Variants in PDZD2 observed in about 807,000 individuals in gnomAD.
PDZD2 encodes PDZ domain containing 2, also known as PDZ domain-containing protein 2.
A neutral mutation model predicts 220.7 loss-of-function variants in PDZD2; 90 were observed. The observed-to-expected ratio is 0.41, with a 90% CI of 0.34 to 0.49. The LOEUF is 0.49. Among genes scored for constraint, PDZD2 ranks in the 20% least tolerant of loss-of-function variants. PDZD2 has a pLI of 0.28. For missense variants in PDZD2, 3,174 were observed against 3,608.5 expected (o/e 0.88, Z 3.08); for synonymous variants, 1,375 against 1,450.5 (o/e 0.95, Z 1.18).
chr5:31,776,731 C>T (rs768017128), intron 1 of PDZD2, among the ~76,000 whole-genome samples: 14 of 151,892 alleles, frequency 9.2e-5, no homozygotes, highest in South Asian at 2.1e-4. Flanking sequence ...TCACTGTAAC[C>T]TCCACCTCCT....
At chr5:31,752,446 G>A (rs143616999) in intron 1 of PDZD2, among the ~76,000 whole-genome samples, 8,296 of 152,158 alleles carry the variant, frequency 0.055, 272 homozygotes, top group Middle Eastern at 0.12. Flanking sequence ...CTACTCGGGA[G>A]GCTGAGGCAG....
chr5:31,680,406 TGGG>T, intron 1 of PDZD2, among the ~76,000 whole-genome samples: 1 of 152,226 alleles, frequency 6.6e-6, no homozygotes, highest in Non-Finnish European at 1.5e-5. Context: ...AGAAGGGTTC[TGGG>T]CTCAAATAAA....
Position 32,066,397 on chromosome 5 carries a change from A to G in PDZD2, c.2452-3172A>G, listed in dbSNP as rs1003777970. On this transcript the variant is annotated intron_variant, in intron 14 of 24. Coordinates refer to ENST00000438447, the MANE Select transcript of PDZD2 (RefSeq NM_178140.4). Reference sequence around the variant, plus strand: ...ATCAAACCAACCAAGTCCTGCTTCCACCTTTTTCTGTTTTTTCCTCCTTGT... The same window carrying G: ...ATCAAACCAACCAAGTCCTGCTTCCGCCTTTTTCTGTTTTTTCCTCCTTGT... Among the ~76,000 whole-genome samples, 7 of 152,210 alleles carry G rather than the reference A, an allele frequency of 4.6e-5. No homozygotes were observed. In the South Asian group the frequency reaches 1.2e-3, roughly 27 times the overall value.
At chr5:32,028,122 G>A (rs1426143067) in intron 6 of PDZD2, among the ~76,000 whole-genome samples, 1 of 151,996 alleles carries the variant, frequency 6.6e-6, no homozygotes, top group East Asian at 1.9e-4. Flanking sequence ...TTTTCTTTGG[G>A]ACTAGGCAAG....
chr5:31,925,442 A>G (rs1264071079), intron 2 of PDZD2, among the ~76,000 whole-genome samples: 2 of 152,220 alleles, frequency 1.3e-5, no homozygotes, highest in Non-Finnish European at 2.9e-5. Context: ...CCTACCTTTT[A>G]CCATCTTCAA....
rs1742924180 is a variant in PDZD2 at position 32,089,926 on chromosome 5, C to T, written c.6478C>T (p.Arg2160Ter). Residue 2160 changes from arginine to a stop codon, truncating the protein, a stop_gained, in exon 20 of 25, where the codon CGA (arginine) becomes TGA (stop). Coordinates refer to ENST00000438447, the MANE Select transcript of PDZD2 (RefSeq NM_178140.4). LOFTEE classifies it high-confidence loss of function. ...CTCCCAGGCAGAGCAGGAAATGTCA[C>T]GATCATTCAGCATGGCAAAACTGGC... is the stretch of plus-strand genomic sequence containing the variant. ...HASQAEQEMSRSFSMAKLASS... is the reference protein window; with the variant it reads ...HASQAEQEMS The T allele has an allele frequency of 1.9e-6, 3 of 1,611,342 alleles. No homozygotes were observed. Among genetic ancestry groups the T allele is most frequent in the African/African-American group, 1.3e-5 (1 of 75,032 alleles).
rs1345710018 is a variant in PDZD2, at chr5:31,955,545, C to A, written c.477-27610C>A. On this transcript the variant is annotated intron_variant, in intron 2 of 24. Coordinates refer to ENST00000438447, the MANE Select transcript of PDZD2 (RefSeq NM_178140.4). ...TGAACTCCCGACCTCAGGTGATCTGCCCCACCTCGGCCTCCCAAAGTGCTG... is the reference window on the plus strand; with the variant it reads ...TGAACTCCCGACCTCAGGTGATCTGACCCACCTCGGCCTCCCAAAGTGCTG... Among the ~76,000 whole-genome samples the A allele has an allele frequency of 2.6e-5, 4 of 151,920 alleles. No individual in the cohort carries two copies. In the East Asian group the frequency reaches 7.7e-4, roughly 29 times the overall value.
At chr5:32,039,279 G>A (rs915463931) in intron 7 of PDZD2, among the ~76,000 whole-genome samples, 1 of 151,772 alleles carries the variant, frequency 6.6e-6, no homozygotes, top group African/African-American at 2.4e-5. Context: ...ATTGGTTTTT[G>A]TATTTTTGGT....
chr5:31,785,212 A>C (rs1753309141), intron 1 of PDZD2, among the ~76,000 whole-genome samples: 1 of 152,094 alleles, frequency 6.6e-6, no homozygotes, highest in African/African-American at 2.4e-5. Context: ...GTATGTTTAC[A>C]CATGAGAAAT....
At chr5:31,698,334 G>A (rs544243366) in intron 1 of PDZD2, among the ~76,000 whole-genome samples, 1 of 150,510 alleles carries the variant, frequency 6.6e-6, no homozygotes, top group Non-Finnish European at 1.5e-5. Context: ...GGTGGCTCAC[G>A]CCTGTAATCC....
chr5:31,951,827 G>A (rs1159314524), intron 2 of PDZD2, among the ~76,000 whole-genome samples: 1 of 152,144 alleles, frequency 6.6e-6, no homozygotes, highest in Admixed American at 6.5e-5. Flanking sequence ...ATGCTAGATT[G>A]TCATCTCCTA....
chr5:31,966,159 C>A (rs149233088), intron 2 of PDZD2, among the ~76,000 whole-genome samples: 98 of 152,268 alleles, frequency 6.4e-4, no homozygotes, highest in African/African-American at 2.3e-3. Context: ...GCGAGTTAAT[C>A]TCTTTAAACC....
At chr5:32,085,120 A>C (rs1390586948) in intron 19 of PDZD2, among the ~76,000 whole-genome samples, 1 of 150,842 alleles carries the variant, frequency 6.6e-6, no homozygotes, top group East Asian at 2.0e-4. Flanking sequence ...ATGCCTGGTT[A>C]ATTTTTGTAT....
chr5:32,070,175 A>G (rs1740617423), intron 15 of PDZD2, among the ~76,000 whole-genome samples: 1 of 152,216 alleles, frequency 6.6e-6, no homozygotes, highest in Admixed American at 6.5e-5. Context: ...TCTTAAAAAT[A>G]AAGTTTCCTT....
At chr5:31,762,164 A>T (rs1158177803) in intron 1 of PDZD2, among the ~76,000 whole-genome samples, 1 of 152,190 alleles carries the variant, frequency 6.6e-6, no homozygotes, top group East Asian at 1.9e-4. Flanking sequence ...AACACTGGGG[A>T]TTATAATTCA....
chr5:31,649,342 T>A (rs1745253889), intron 1 of PDZD2, among the ~76,000 whole-genome samples: 1 of 151,908 alleles, frequency 6.6e-6, no homozygotes, highest in African/African-American at 2.4e-5. Context: ...ATGCTGTACT[T>A]CTTTCAGTTT....
intron 1 of PDZD2, among the ~76,000 whole-genome samples, chr5:31,658,120 A>G (rs1398219841): frequency 6.6e-6 from 1 of 152,230 alleles, no homozygotes; most frequent in Non-Finnish European, 1.5e-5. Context: ...GTGCAATCGC[A>G]GAATAATGGT....
chr5:31,968,677 A>AC (rs1464554571), intron 2 of PDZD2, among the ~76,000 whole-genome samples: 4 of 146,962 alleles, frequency 2.7e-5, no homozygotes, highest in Admixed American at 6.7e-5. Context: ...AAACAAACAA[A>AC]AAAAACAACC....
intron 1 of PDZD2, among the ~76,000 whole-genome samples, chr5:31,694,419 A>G (rs1293023539): frequency 1.3e-5 from 2 of 151,780 alleles, no homozygotes; most frequent in Non-Finnish European, 2.9e-5. Context: ...ACAAAAAACA[A>G]TGCTTGCAGA....
Sources: allele counts gnomAD v4.1 joint callset (sites outside exome capture counted in the v4.1 genomes callset), GRCh38; gene constraint gnomAD v4.1.1; transcripts MANE v1.5; gene names NCBI Gene and HGNC (gene_info 2026-07-23, HGNC 2026-07-21).